CLASP1: variants seen among roughly 807,000 people sequenced by gnomAD.
The protein encoded by CLASP1 is cytoplasmic linker associated protein 1, also known as CLIP-associating protein 1.
CLASP1 carries 38 observed loss-of-function variants against 192.3 expected under a neutral mutation model. The observed-to-expected ratio is 0.20, with a 90% CI of 0.15 to 0.26. The LOEUF is 0.26. Ranked by LOEUF, CLASP1 falls within the 10% of genes least tolerant of loss-of-function variation. The pLI is 1.00. For synonymous variants in CLASP1, 691 were observed against 712.8 expected (o/e 0.97, Z 0.49); for missense variants, 1,433 against 1,932.5 (o/e 0.74, Z 4.85).
At chr2:121,628,673 C>CA (rs75085413) in intron 1 of CLASP1, among the ~76,000 whole-genome samples, 848 of 76,440 alleles carry the variant, frequency 0.011, 6 homozygotes, top group South Asian at 0.037. Context: ...GACTCTGTCT[C>CA]AAAAAAAAAA....
At chr2:121,492,652 GGGT>G (rs1310846721) in intron 8 of CLASP1, among the ~76,000 whole-genome samples, 3 of 147,562 alleles carry the variant, frequency 2.0e-5, no homozygotes, top group Admixed American at 2.0e-4. Context: ...ATAATTACTA[GGGT>G]GACTACAATT....
intron 37 of CLASP1, among the ~76,000 whole-genome samples, chr2:121,360,273 A>C (rs1238817193): frequency 6.6e-6 from 1 of 152,232 alleles, no homozygotes; most frequent in Non-Finnish European, 1.5e-5. Flanking sequence ...ATTGAGAACG[A>C]AGCTCCAAGA....
chr2:121,563,602 T>G (rs2059274802), intron 2 of CLASP1, among the ~76,000 whole-genome samples: 1 of 152,234 alleles, frequency 6.6e-6, no homozygotes, highest in South Asian at 2.1e-4. Context: ...ATTTGCTGCT[T>G]TAATTTCTTT....
chr2:121,468,176 T>C (rs2090012990), intron 9 of CLASP1, among the ~76,000 whole-genome samples: 1 of 152,228 alleles, frequency 6.6e-6, no homozygotes. Flanking sequence ...ACTACCACAC[T>C]GTTTTGGTTA....
At chr2:121,462,741 CT>C (rs1420864033) in intron 9 of CLASP1, 136 bp from the exon 10 acceptor site, 19 of 613,694 alleles carry the variant, frequency 3.1e-5, no homozygotes, top group Non-Finnish European at 5.5e-5. Context: ...CTTCATATAA[CT>C]TTGAAGTGTC....
chr2:121,483,472 A>G (rs10204789), intron 8 of CLASP1, among the ~76,000 whole-genome samples: 28 of 151,770 alleles, frequency 1.8e-4, no homozygotes, highest in East Asian at 1.4e-3. Flanking sequence ...GTGTGTGTGT[A>G]TATATGTATG....
intron 9 of CLASP1, among the ~76,000 whole-genome samples, chr2:121,467,342 G>A (rs1318004561): frequency 6.6e-6 from 1 of 152,162 alleles, no homozygotes; most frequent in African/African-American, 2.4e-5. Flanking sequence ...GGACTGCTAG[G>A]TCAAATGGTA....
chr2:121,508,955 T>C (rs2094028696), intron 7 of CLASP1, among the ~76,000 whole-genome samples: 1 of 152,114 alleles, frequency 6.6e-6, no homozygotes, highest in African/African-American at 2.4e-5. Flanking sequence ...ATTATAAACA[T>C]ATATGCACCT....
intron 17 of CLASP1, among the ~76,000 whole-genome samples, chr2:121,448,616 C>G (rs1451447489): frequency 6.6e-6 from 1 of 152,198 alleles, no homozygotes; most frequent in Admixed American, 6.5e-5. Context: ...ACCTCCATTT[C>G]CAAACTTGTC....
chr2:121,499,674 A>G (rs964976992), intron 8 of CLASP1, among the ~76,000 whole-genome samples: 5 of 152,176 alleles, frequency 3.3e-5, no homozygotes, highest in African/African-American at 9.6e-5. Context: ...CCTAACACCT[A>G]TTTCTGATAA....
At chr2:121,581,529 C>CTT (rs1367032351) in intron 2 of CLASP1, among the ~76,000 whole-genome samples, 1 of 152,040 alleles carries the variant, frequency 6.6e-6, no homozygotes, top group Non-Finnish European at 1.5e-5. Flanking sequence ...CCGCCTCGGC[C>CTT]TCCCAAAGTG....
chr2:121,531,108 G>A lies in CLASP1; in HGVS notation c.196-783C>T, dbSNP rs900132371. The A allele has an allele frequency of 2.0e-4, 130 of 640,188 alleles. No individual in the cohort carries two copies. In the Admixed American group the frequency reaches 2.6e-3, roughly 13 times the overall value. 39.7% of individuals were successfully genotyped at this position (640,188 alleles called of 1,614,324 possible). A position where few individuals can be genotyped will look rare whatever the true frequency, so the allele number is the denominator to read the frequency against. On this transcript the variant is annotated intron_variant, in intron 2 of 39. Coordinates refer to ENST00000263710, the Ensembl canonical transcript of CLASP1. ...CCAGTAGAGGGTGCACAAGACGCGT[G>A]GTTTTAGTGTCGCAAGTAAAGTTCT...
At chr2:121,341,240 G>A (rs1220520145) in intron 39 of CLASP1, among the ~76,000 whole-genome samples, 1 of 152,192 alleles carries the variant, frequency 6.6e-6, no homozygotes, top group Non-Finnish European at 1.5e-5. Flanking sequence ...GCAGCTCATG[G>A]AGGAAGGGAT....
chr2:121,436,830 T>G (rs1320749244), intron 19 of CLASP1, among the ~76,000 whole-genome samples: 1 of 152,244 alleles, frequency 6.6e-6, no homozygotes, highest in African/African-American at 2.4e-5. Context: ...CTTTACTATC[T>G]TGCATGTAAC....
intron 2 of CLASP1, among the ~76,000 whole-genome samples, chr2:121,600,835 C>T (rs1436200240): frequency 6.6e-6 from 1 of 152,216 alleles, no homozygotes; most frequent in Non-Finnish European, 1.5e-5. Context: ...CACATGGTCA[C>T]ATGCTTCACT....
At chr2:121,516,011 AGTTCTTTCC>A (rs544819715) in intron 6 of CLASP1, among the ~76,000 whole-genome samples, 53 of 152,346 alleles carry the variant, frequency 3.5e-4, no homozygotes, top group Non-Finnish European at 6.0e-4. Flanking sequence ...CCATATCCTT[AGTTCTTTCC>A]GTTCTTTAAG....
chr2:121,520,855 AG>A (rs1234265987), intron 6 of CLASP1, among the ~76,000 whole-genome samples: 5 of 152,216 alleles, frequency 3.3e-5, no homozygotes, highest in Non-Finnish European at 7.3e-5. Context: ...ACCTCCAGGA[AG>A]AAAAGCTTCC....
At chr2:121,629,753 T>G (rs1006108403) in intron 1 of CLASP1, among the ~76,000 whole-genome samples, 1 of 151,768 alleles carries the variant, frequency 6.6e-6, no homozygotes, top group Non-Finnish European at 1.5e-5. Context: ...ATCACACCAC[T>G]GCACTCTAGC....
intron 28 of CLASP1, 87 bp downstream of exon 29, chr2:121,401,422 A>T: frequency 9.7e-7 from 1 of 1,029,194 alleles, no homozygotes; most frequent in Non-Finnish European, 1.4e-6. Context: ...GGGGGTGACA[A>T]AGGCCATGGG....
Sources: gnomAD v4.1 joint callset for allele counts (sites outside exome capture counted in the v4.1 genomes callset) on GRCh38, gnomAD v4.1.1 for gene constraint, MANE v1.5 for transcripts, NCBI Gene and HGNC (gene_info 2026-07-23, HGNC 2026-07-21) for gene names.